The following FOXK1 variants were observed in gnomAD, a reference collection of about 807,000 sequenced individuals.
The protein encoded by FOXK1 is forkhead box protein K1.
FOXK1 carries 19 observed loss-of-function variants against 51.9 expected under a neutral mutation model. The observed-to-expected ratio is 0.37, with a 90% CI of 0.26 to 0.54. The LOEUF is 0.54. Ranked by LOEUF, FOXK1 falls within the 20% of genes least tolerant of loss-of-function variation. The pLI is 0.87. For synonymous variants in FOXK1, 537 were observed against 482.6 expected (o/e 1.11, Z -1.48); for missense variants, 870 against 1,032.7 (o/e 0.84, Z 2.16).
At chr7:4,704,369 T>G (rs1780055722) in intron 1 of FOXK1, among the ~76,000 whole-genome samples, 1 of 148,280 alleles carries the variant, frequency 6.7e-6, no homozygotes, top group Admixed American at 6.9e-5. Flanking sequence ...GAGAATCACT[T>G]GAACTCAGAA....
At chr7:4,754,719 C>T (rs1256980528) in intron 3 of FOXK1, 104 bp downstream of exon 3, 10 of 1,382,170 alleles carry the variant, frequency 7.2e-6, no homozygotes, top group African/African-American at 1.4e-5. Context: ...GGCGTGTGCT[C>T]GAGGTGGTCT....
At position 4,758,908 on chromosome 7, in the gene FOXK1, T is replaced by G; in HGVS notation, c.1245-143T>G. On this transcript the variant is annotated intron_variant, in intron 5 of 8. Coordinates refer to ENST00000328914, the MANE Select transcript of FOXK1 (RefSeq NM_001037165.2). This position sits in a 1 kb window ranked among gnomAD's most constrained non-coding sequence, Gnocchi z 4.4. ...GGCTGGGTTCAGGTTACGGGGGCGT[T>G]TCTCACCGTCTGAATGCGGAGGACA... 1 of 872,778 alleles carries G rather than the reference T, an allele frequency of 1.1e-6. No homozygotes were observed. Among genetic ancestry groups the G allele is most frequent in the South Asian group, 1.7e-5 (1 of 57,390 alleles). 54.1% of individuals were successfully genotyped at this position (872,778 alleles called of 1,614,324 possible). A position where few individuals can be genotyped will look rare whatever the true frequency, so the allele number is the denominator to read the frequency against.
At chr7:4,746,616 A>G (rs1419930987) in intron 2 of FOXK1, among the ~76,000 whole-genome samples, 2 of 152,224 alleles carry the variant, frequency 1.3e-5, no homozygotes, top group Non-Finnish European at 1.5e-5. Context: ...TGAGCCCAGC[A>G]GTTGGAGGCT....
rs1399395395 is a variant in FOXK1, at chr7:4,734,582, T to C, written c.561-6256T>C. On this transcript the variant is annotated intron_variant, in intron 1 of 8. Coordinates refer to ENST00000328914, the MANE Select transcript of FOXK1 (RefSeq NM_001037165.2). This position sits in a 1 kb window ranked among gnomAD's most constrained non-coding sequence, Gnocchi z 5.2. ...CCGGCCCACCCCCCCGCTGCCCAAG[T>C]GTGCGTGGGCATCGGTGCACGGGGC... is the stretch of plus-strand genomic sequence containing the variant. Among the ~76,000 whole-genome samples, 1 of 152,186 alleles carries C rather than the reference T, an allele frequency of 6.6e-6. No individual in the cohort carries two copies. The highest frequency in any genetic ancestry group is 1.5e-5 in the Non-Finnish European group (1 of 68,028).
Position 4,759,196 on chromosome 7 carries a change from C to T in FOXK1, c.1390C>T (p.Arg464Trp). ...CAAGTTAGCTTCTGTCCCAGAGTAC[C>T]GGTATTCCCAAAGCGCACCCGGTAA... Reference protein sequence around the residue: ...GSKLASVPEYRYSQSAPGSPV... With the variant: ...GSKLASVPEYWYSQSAPGSPV... Residue 464 changes from arginine (R) to tryptophan (W), a missense_variant, in exon 6 of 9, where the codon CGG becomes TGG. Arg to Trp is a moderately radical substitution (Grantham distance 101). Around this residue, in one of 3 missense-constraint regions of FOXK1, gnomAD observed 457 missense variants for 510.8 expected, o/e 0.89. Coordinates refer to ENST00000328914, the MANE Select transcript of FOXK1 (RefSeq NM_001037165.2). 6.3e-7 allele frequency: 1 copy of T among 1,593,358 alleles called. No homozygotes were observed. The highest frequency in any genetic ancestry group is 2.3e-5 in the East Asian group (1 of 43,416).
rs919039483 is a variant in FOXK1, at chr7:4,747,352, C to G, written c.746+6329C>G. Among the ~76,000 whole-genome samples the G allele has an allele frequency of 5.9e-5, 9 of 152,186 alleles. No individual in the cohort carries two copies. Among genetic ancestry groups the G allele is most frequent in the African/African-American group, 2.2e-4 (9 of 41,438 alleles). Reference sequence around the variant, plus strand: ...AACCTGCCTAGCTGCGGGGCCGCCTCTCCGCTCAAGCACCCACTCAGCTCT... The same window carrying G: ...AACCTGCCTAGCTGCGGGGCCGCCTGTCCGCTCAAGCACCCACTCAGCTCT... On this transcript the variant is annotated intron_variant, in intron 2 of 8. Coordinates refer to ENST00000328914, the MANE Select transcript of FOXK1 (RefSeq NM_001037165.2). The surrounding 1 kb of genome is among the most constrained non-coding windows in gnomAD (Gnocchi z 9.2).
intron 1 of FOXK1, among the ~76,000 whole-genome samples, chr7:4,740,467 C>T (rs1019250670): frequency 4.0e-5 from 6 of 150,886 alleles, no homozygotes; most frequent in Admixed American, 1.3e-4. Context: ...AAAAATTAGC[C>T]GGGCGTGGTG....
At chr7:4,708,090 A>G (rs1004691313) in intron 1 of FOXK1, among the ~76,000 whole-genome samples, 2 of 152,048 alleles carry the variant, frequency 1.3e-5, no homozygotes, top group Non-Finnish European at 2.9e-5. Flanking sequence ...GGATGAGACC[A>G]GTTCCTTTTC....
chr7:4,762,166 C>T lies in FOXK1; in HGVS notation c.1922-18C>T. On this transcript the variant is annotated intron_variant, in intron 8 of 8. Coordinates refer to ENST00000328914, the MANE Select transcript of FOXK1 (RefSeq NM_001037165.2). The surrounding 1 kb of genome is among the most constrained non-coding windows in gnomAD (Gnocchi z 5.7). ...CCTAACCAGACCCCAGAGTAACCCT[C>T]TTCTTCCTCCACTCCAGCCCTCACC... 6.5e-7 allele frequency: 1 copy of T among 1,540,366 alleles called. No homozygotes were observed. The highest frequency in any genetic ancestry group is 8.8e-7 in the Non-Finnish European group (1 of 1,138,230).
In FOXK1 at chr7:4,729,063, G is replaced by T. The variant is rs1015041749; in HGVS notation, c.561-11775G>T. 2.0e-5 allele frequency among the ~76,000 whole-genome samples: 3 copies of T among 152,228 alleles called. No homozygotes were observed. The highest frequency in any genetic ancestry group is 7.2e-5 in the African/African-American group (3 of 41,452). ...GAATTGCTCGTCGCAAGCAAGCTCT[G>T]CCCGGGTCAGCCCCAGAGGGTTGCA... On this transcript the variant is annotated intron_variant, in intron 1 of 8. Transcript: ENST00000328914. The surrounding 1 kb of genome is among the most constrained non-coding windows in gnomAD (Gnocchi z 6.2).
intron 1 of FOXK1, among the ~76,000 whole-genome samples, chr7:4,720,697 C>G (rs1331654653): frequency 6.8e-6 from 1 of 146,740 alleles, no homozygotes; most frequent in Non-Finnish European, 1.5e-5. Context: ...TGCTGCGTGC[C>G]TAGCTTTTTA....
intron 1 of FOXK1, among the ~76,000 whole-genome samples, chr7:4,700,913 G>A (rs1780013185): frequency 6.6e-6 from 1 of 152,162 alleles, no homozygotes; most frequent in South Asian, 2.1e-4. Flanking sequence ...TGCCATCATC[G>A]CTGCTGTTAC....
rs1780643912 is a variant in FOXK1, at chr7:4,742,261, G to A, written c.746+1238G>A. ...GCCCTCGGGGACATCTGTGAAGCAC[G>A]CTCTGGGCATGCTGATCTGTTGGAG... On this transcript the variant is annotated intron_variant, in intron 2 of 8. Transcript: ENST00000328914. Among the ~76,000 whole-genome samples the A allele has an allele frequency of 5.3e-5, 8 of 152,244 alleles. No homozygotes were observed. In the South Asian group the frequency reaches 1.2e-3, roughly 24 times the overall value.
intron 1 of FOXK1, among the ~76,000 whole-genome samples, chr7:4,732,539 C>A (rs1033670359): frequency 3.9e-5 from 6 of 152,198 alleles, no homozygotes; most frequent in African/African-American, 1.4e-4. Flanking sequence ...AGCGATCGTC[C>A]CACCTCAGCC....
chr7:4,692,959 A>G (rs1002764528), intron 1 of FOXK1, among the ~76,000 whole-genome samples: 2 of 152,024 alleles, frequency 1.3e-5, no homozygotes, highest in Non-Finnish European at 2.9e-5. Context: ...GACTGGTCTC[A>G]AACTCCTGGC....
Position 4,755,445 on chromosome 7 carries a change from G to T in FOXK1, c.1050+62G>T, listed in dbSNP as rs1416491977. ...GGCCCTTAGAACATGGAACTCACAGGCATATTGCTTCCCTTAAAACAGAAG... is the reference window on the plus strand; with the variant it reads ...GGCCCTTAGAACATGGAACTCACAGTCATATTGCTTCCCTTAAAACAGAAG... On this transcript the variant is annotated intron_variant, in intron 4 of 8. Transcript: ENST00000328914. The surrounding 1 kb of genome is among the most constrained non-coding windows in gnomAD (Gnocchi z 6.6). 5.0e-6 allele frequency: 8 copies of T among 1,584,600 alleles called. No individual in the cohort carries two copies. The African/African-American group carries it at 1.1e-4, about 21-fold the overall frequency.
At chr7:4,696,115 CAA>C (rs1192472036) in intron 1 of FOXK1, among the ~76,000 whole-genome samples, 87 of 80,092 alleles carry the variant, frequency 1.1e-3, no homozygotes, top group Admixed American at 1.5e-3. Context: ...GACTGTGTCT[CAA>C]AAAAAAAAAA....
At chr7:4,685,510 C>T (rs1423427570) in intron 1 of FOXK1, among the ~76,000 whole-genome samples, 2 of 151,186 alleles carry the variant, frequency 1.3e-5, no homozygotes, top group African/African-American at 2.4e-5. Flanking sequence ...GCGTGAGCCC[C>T]TGCGCCCGGC....
At chr7:4,719,120 GT>G (rs376026153) in intron 1 of FOXK1, among the ~76,000 whole-genome samples, 5,589 of 147,198 alleles carry the variant, frequency 0.038, 363 homozygotes, top group African/African-American at 0.13. Flanking sequence ...TGTTTTTTTT[GT>G]TTTTTTTTTG....
Sources: allele counts gnomAD v4.1 joint callset (sites outside exome capture counted in the v4.1 genomes callset), GRCh38; gene constraint gnomAD v4.1.1; regional missense constraint gnomAD v4.1.1; non-coding constraint Gnocchi (gnomAD v3.1); transcripts MANE v1.5; gene names NCBI Gene and HGNC (gene_info 2026-07-23, HGNC 2026-07-21).